Variants in RNF182 observed in about 807,000 individuals in gnomAD.
RNF182 encodes the protein ring finger protein 182.
RNF182 carries 15 observed loss-of-function variants against 14.4 expected under a neutral mutation model. The observed-to-expected ratio is 1.04, with a 90% CI of 0.70 to 1.60. RNF182 has a LOEUF of 1.60. Among genes scored for constraint, RNF182 ranks in the 40% most tolerant of loss-of-function variants. The probability of loss-of-function intolerance (pLI) is 0.00; values close to 1 mark genes in which losing one functional copy is unlikely to be tolerated. For missense variants in RNF182, 268 were observed against 294.8 expected (o/e 0.91, Z 0.67); for synonymous variants, 128 against 122.9 (o/e 1.04, Z -0.27).
intron 1 of RNF182, among the ~76,000 whole-genome samples, chr6:13,935,500 C>A (rs1251490255): frequency 1.3e-5 from 2 of 152,254 alleles, no homozygotes; most frequent in East Asian, 3.9e-4. Flanking sequence ...GGCCTTTATT[C>A]ATATATGCAG....
chr6:13,975,062 G>A (rs565021703), intron 2 of RNF182, among the ~76,000 whole-genome samples: 5 of 152,346 alleles, frequency 3.3e-5, no homozygotes, highest in Admixed American at 6.5e-5. Context: ...TGTTGTAAGA[G>A]CCTTGTGCTC....
At position 13,979,408 on chromosome 6, in the gene RNF182, T is replaced by G. The variant is rs1361421084; in HGVS notation, c.*1545T>G. 1.2e-5 allele frequency: 2 copies of G among 167,068 alleles called. No individual in the cohort carries two copies. The highest frequency in any genetic ancestry group is 4.8e-5 in the African/African-American group (2 of 41,462). 10.3% of individuals were successfully genotyped at this position (167,068 alleles called of 1,614,324 possible). A position where few individuals can be genotyped will look rare whatever the true frequency, so the allele number is the denominator to read the frequency against. On this transcript the variant is annotated 3_prime_UTR_variant, in exon 3 of 3. Coordinates refer to ENST00000488300, the MANE Select transcript of RNF182 (RefSeq NM_152737.4). ...TTAACTTGTTATGAAATCTTTGTTG[T>G]GTGATGCAGGTACAGTGCGCCCATT...
At chr6:13,949,481 T>C (rs1175371276) in intron 1 of RNF182, 6 of 599,420 alleles carry the variant, frequency 1.0e-5, no homozygotes, top group African/African-American at 3.8e-5. Context: ...AAAGGCTGGT[T>C]ATAAGAAAAA....
At chr6:13,956,630 T>G (rs546825059) in intron 1 of RNF182, among the ~76,000 whole-genome samples, 1 of 152,258 alleles carries the variant, frequency 6.6e-6, no homozygotes, top group South Asian at 2.1e-4. Flanking sequence ...CGGCCTGTCC[T>G]TTGCGTTAGA....
At chr6:13,950,655 C>T (rs1759565037) in intron 1 of RNF182, among the ~76,000 whole-genome samples, 1 of 152,076 alleles carries the variant, frequency 6.6e-6, no homozygotes. Context: ...CACCACCACA[C>T]ATGGCTAATT....
At chr6:13,946,231 A>C (rs866480120) in intron 1 of RNF182, among the ~76,000 whole-genome samples, 1 of 151,296 alleles carries the variant, frequency 6.6e-6, no homozygotes, top group African/African-American at 2.4e-5. Context: ...CAGTGGCACA[A>C]TCTCAGCTCA....
At chr6:13,957,260 A>G (rs1365286181) in intron 1 of RNF182, among the ~76,000 whole-genome samples, 7 of 152,366 alleles carry the variant, frequency 4.6e-5, no homozygotes, top group South Asian at 2.1e-4. Flanking sequence ...AATATATGTC[A>G]ATCAACAATG....
intron 1 of RNF182, among the ~76,000 whole-genome samples, chr6:13,959,513 G>A (rs1759812994): frequency 6.6e-6 from 1 of 152,202 alleles, no homozygotes; most frequent in South Asian, 2.1e-4. Context: ...GGCAAGATTA[G>A]AAGCATGAAG....
intron 1 of RNF182, among the ~76,000 whole-genome samples, chr6:13,966,417 T>G (rs562931997): frequency 3.3e-4 from 50 of 152,162 alleles, no homozygotes; most frequent in Non-Finnish European, 6.0e-4. Context: ...AATTCACAAA[T>G]TTTTAGAATT....
intron 1 of RNF182, among the ~76,000 whole-genome samples, chr6:13,962,275 A>T (rs1585043684): frequency 6.6e-6 from 1 of 152,354 alleles, no homozygotes; most frequent in Middle Eastern, 3.4e-3. Context: ...CTCAAGCTCC[A>T]TAAATAATGA....
At chr6:13,957,153 AACT>A (rs1421366096) in intron 1 of RNF182, among the ~76,000 whole-genome samples, 1 of 152,198 alleles carries the variant, frequency 6.6e-6, no homozygotes, top group Non-Finnish European at 1.5e-5. Context: ...ATAAATATAA[AACT>A]ATCTTTCCTA....
intron 1 of RNF182, among the ~76,000 whole-genome samples, chr6:13,973,133 G>A (rs1760236251): frequency 1.3e-5 from 2 of 152,140 alleles, no homozygotes; most frequent in African/African-American, 4.8e-5. Flanking sequence ...TGGCTGCCCT[G>A]CTGGATTTTG....
intron 1 of RNF182, among the ~76,000 whole-genome samples, chr6:13,958,386 A>AAATAAT (rs983567397): frequency 4.0e-5 from 6 of 151,870 alleles, no homozygotes; most frequent in African/African-American, 9.7e-5. Flanking sequence ...CTCCATCTCA[A>AAATAAT]AATAATAATA....
At chr6:13,968,464 A>G (rs755005748) in intron 1 of RNF182, among the ~76,000 whole-genome samples, 1 of 152,244 alleles carries the variant, frequency 6.6e-6, no homozygotes, top group Non-Finnish European at 1.5e-5. Flanking sequence ...ATATGAAATT[A>G]CAGCTGAGTT....
chr6:13,979,292 TAAA>T lies in RNF182; in HGVS notation c.*1434_*1436del, dbSNP rs1408030496. 1 of 166,488 alleles carries T rather than the reference TAAA, an allele frequency of 6.0e-6. No homozygotes were observed. Among genetic ancestry groups the T allele is most frequent in the South Asian group, 2.1e-4 (1 of 4,828 alleles). 10.3% of individuals were successfully genotyped at this position (166,488 alleles called of 1,614,324 possible). Reference sequence around the variant, plus strand: ...TGTTCACAGAAACTAGGCAAAAATTTAAAAAAACATTCTAGTCTCTAAAACCCA... The same window carrying T: ...TGTTCACAGAAACTAGGCAAAAATTTAAAACATTCTAGTCTCTAAAACCCA... On this transcript the variant is annotated 3_prime_UTR_variant, in exon 3 of 3. Coordinates refer to ENST00000488300, the MANE Select transcript of RNF182 (RefSeq NM_152737.4).
At chr6:13,945,436 C>G (rs1759414130) in intron 1 of RNF182, among the ~76,000 whole-genome samples, 1 of 152,170 alleles carries the variant, frequency 6.6e-6, no homozygotes, top group African/African-American at 2.4e-5. Context: ...TTCAGCAGTG[C>G]CCCTCAGAGC....
intron 1 of RNF182, among the ~76,000 whole-genome samples, chr6:13,960,697 G>GCACGCA (rs1554126702): frequency 6.7e-6 from 1 of 149,730 alleles, no homozygotes; most frequent in Admixed American, 6.6e-5. Context: ...GTGTGTGCGC[G>GCACGCA]CGTGCACATG....
At chr6:13,957,099 A>G (rs1759752799) in intron 1 of RNF182, among the ~76,000 whole-genome samples, 1 of 152,242 alleles carries the variant, frequency 6.6e-6, no homozygotes. Context: ...TTTGGGATAG[A>G]GTATTTAGAA....
At position 13,977,385 on chromosome 6, in the gene RNF182, T is replaced by A; in HGVS notation, c.266T>A (p.Val89Glu). 6.2e-7 allele frequency: 1 copy of A among 1,614,198 alleles called. No homozygotes were observed. Among genetic ancestry groups the A allele is most frequent in the Non-Finnish European group, 8.5e-7 (1 of 1,180,024 alleles). ...SSLPDDNNIL[V>E]NLTCGGKGKK... ...CTGCCCGATGACAACAACATCCTTG[T>A]AAACTTGACTTGTGGAGGCAAAGGG... Residue 89 changes from valine (V) to glutamate (E), a missense_variant, in exon 3 of 3, where the codon GTA becomes GAA. By Grantham distance (121) the Val-to-Glu change is moderately radical (BLOSUM62 -2). Transcript: ENST00000488300.
Sources: allele counts gnomAD v4.1 joint callset (sites outside exome capture counted in the v4.1 genomes callset), GRCh38; gene constraint gnomAD v4.1.1; transcripts MANE v1.5; gene names NCBI Gene and HGNC (gene_info 2026-07-23, HGNC 2026-07-21).